SLC39A10: variants seen among roughly 807,000 people sequenced by gnomAD.
The protein encoded by SLC39A10 is zinc transporter ZIP10.
SLC39A10 carries 13 observed loss-of-function variants against 65.1 expected under a neutral mutation model. The ratio of observed to expected loss-of-function variants is 0.20; its 90% CI spans 0.13 to 0.32. The LOEUF is 0.32. Among genes scored for constraint, SLC39A10 ranks in the 10% least tolerant of loss-of-function variants. The pLI is 1.00. For missense variants in SLC39A10, 831 were observed against 1,018.4 expected (o/e 0.82, Z 2.50); for synonymous variants, 321 against 342.2 (o/e 0.94, Z 0.68).
At chr2:195,726,406 A>G (rs1692240357) in intron 8 of SLC39A10, among the ~76,000 whole-genome samples, 1 of 152,066 alleles carries the variant, frequency 6.6e-6, no homozygotes, top group Admixed American at 6.6e-5. Context: ...AAGGAGAGGA[A>G]ATTTGTTAGG....
intron 2 of SLC39A10, among the ~76,000 whole-genome samples, chr2:195,651,244 C>T (rs1442154244): frequency 1.2e-4 from 19 of 152,172 alleles, no homozygotes; most frequent in African/African-American, 4.1e-4. Flanking sequence ...AAGACTACCG[C>T]ATGGGTCCAA....
At chr2:195,720,083 C>T (rs894628645) in intron 8 of SLC39A10, among the ~76,000 whole-genome samples, 1 of 151,972 alleles carries the variant, frequency 6.6e-6, no homozygotes, top group Non-Finnish European at 1.5e-5. Context: ...AGCCACTGCG[C>T]CCGGCCATAA....
intron 2 of SLC39A10, among the ~76,000 whole-genome samples, chr2:195,624,887 C>T (rs1272041952): frequency 2.1e-5 from 1 of 47,332 alleles, no homozygotes; most frequent in African/African-American, 8.5e-5. Context: ...GACTCCATCT[C>T]AAAAAAAAAA....
At chr2:195,663,242 AT>A (rs1360381934) in intron 1 of SLC39A10, among the ~76,000 whole-genome samples, 5 of 151,950 alleles carry the variant, frequency 3.3e-5, no homozygotes, top group African/African-American at 1.2e-4. Flanking sequence ...CACTCCCCTC[AT>A]AAAGCAATTC....
At chr2:195,654,259 A>ATTTTTC (rs1689103717), upstream of SLC39A10, among the ~76,000 whole-genome samples, 14 of 152,288 alleles carry the variant, frequency 9.2e-5, no homozygotes, top group South Asian at 2.7e-3. Context: ...TGTTCTTTAT[A>ATTTTTC]GATTTCATTA....
At chr2:195,693,554 T>G (rs1211152728) in intron 3 of SLC39A10, among the ~76,000 whole-genome samples, 1 of 152,168 alleles carries the variant, frequency 6.6e-6, no homozygotes, top group African/African-American at 2.4e-5. Flanking sequence ...CAGGAATTTA[T>G]CCATCTCATC....
At chr2:195,724,615 G>T (rs911076335) in intron 8 of SLC39A10, among the ~76,000 whole-genome samples, 6 of 151,988 alleles carry the variant, frequency 3.9e-5, no homozygotes, top group Non-Finnish European at 8.8e-5. Context: ...GTAATATTTA[G>T]CTTAAATCTA....
At chr2:195,722,740 A>G (rs1050874718) in intron 8 of SLC39A10, among the ~76,000 whole-genome samples, 1 of 152,242 alleles carries the variant, frequency 6.6e-6, no homozygotes, top group African/African-American at 2.4e-5. Flanking sequence ...GTCACATTTC[A>G]GGATAATTTA....
intron 2 of SLC39A10, among the ~76,000 whole-genome samples, chr2:195,631,263 A>G (rs1396064574): frequency 6.6e-6 from 1 of 151,934 alleles, no homozygotes; most frequent in Non-Finnish European, 1.5e-5. Flanking sequence ...TACAAATATA[A>G]AAATAAAAAT....
intron 2 of SLC39A10, among the ~76,000 whole-genome samples, chr2:195,632,290 C>CCT (rs1688600402): frequency 1.4e-5 from 1 of 69,224 alleles, no homozygotes; most frequent in African/African-American, 6.3e-5. Flanking sequence ...ATTCTACTTC[C>CCT]TTTTTTTTTT....
At chr2:195,734,269 C>G (rs947715852) in intron 9 of SLC39A10, among the ~76,000 whole-genome samples, 6 of 150,894 alleles carry the variant, frequency 4.0e-5, no homozygotes, top group African/African-American at 1.5e-4. Flanking sequence ...CTCCCAGGTT[C>G]AAATGATTCT....
rs549226753 is a variant in SLC39A10 at position 195,719,947 on chromosome 2, C to T, written c.2146+1615C>T. Among the ~76,000 whole-genome samples, 10 of 152,248 alleles carry T rather than the reference C, an allele frequency of 6.6e-5. No individual in the cohort carries two copies. The East Asian group carries it at 1.2e-3, about 18-fold the overall frequency. ...CTGCGATTACAGGCTTGTGCCACCA[C>T]GCCTGGCTAATTTTGTAGTTTTAGT... On this transcript the variant is annotated intron_variant, in intron 8 of 9. Transcript: ENST00000359634.
At chr2:195,669,027 A>T (rs1311304716) in intron 1 of SLC39A10, among the ~76,000 whole-genome samples, 2 of 151,154 alleles carry the variant, frequency 1.3e-5, no homozygotes, top group Non-Finnish European at 2.9e-5. Flanking sequence ...GTGAGCCGAG[A>T]TCGTGCCACT....
intron 8 of SLC39A10, among the ~76,000 whole-genome samples, chr2:195,719,684 C>G (rs531347994): frequency 6.6e-6 from 1 of 150,514 alleles, no homozygotes; most frequent in Admixed American, 6.6e-5. Flanking sequence ...GTGGCATGAT[C>G]TTGACTCACT....
intron 1 of SLC39A10, among the ~76,000 whole-genome samples, chr2:195,659,431 G>C (rs1269549004): frequency 6.6e-6 from 1 of 152,162 alleles, no homozygotes; most frequent in Non-Finnish European, 1.5e-5. Flanking sequence ...TACTAATCTA[G>C]GGGGTGTGCC....
At chr2:195,628,320 T>G (rs1688516206) in intron 2 of SLC39A10, among the ~76,000 whole-genome samples, 1 of 152,194 alleles carries the variant, frequency 6.6e-6, no homozygotes, top group Admixed American at 6.5e-5. Flanking sequence ...TTAATTTACT[T>G]TTCCCTTAGG....
intron 3 of SLC39A10, among the ~76,000 whole-genome samples, chr2:195,684,901 T>C (rs1648426020): frequency 6.6e-6 from 1 of 152,188 alleles, no homozygotes; most frequent in African/African-American, 2.4e-5. Context: ...ATACATACTT[T>C]TTAAATCTTA....
chr2:195,617,653 T>G (rs1418329696), intron 2 of SLC39A10, among the ~76,000 whole-genome samples: 1 of 152,078 alleles, frequency 6.6e-6, no homozygotes, highest in Non-Finnish European at 1.5e-5. Context: ...GGAAAATCAC[T>G]CGAGCTCAGG....
chr2:195,735,172 C>CCTAA lies in SLC39A10; in HGVS notation c.*133_*136dup, dbSNP rs2105855288. 3.2e-6 allele frequency: 3 copies of CCTAA among 940,732 alleles called. No individual in the cohort carries two copies. The South Asian group carries it at 6.2e-5, about 20-fold the overall frequency. The allele number at this position is 940,732 out of a possible 1,614,324, so 58.3% of individuals were successfully genotyped here. On this transcript the variant is annotated 3_prime_UTR_variant, in exon 10 of 10. Coordinates refer to ENST00000359634, the MANE Select transcript of SLC39A10 (RefSeq NM_020342.3). Reference sequence around the variant, plus strand: ...TACTTACAAGTTTCATAGATTTGAGCCTAACCACAAGAGGCTGGTGCTTAG... The same window carrying CCTAA: ...TACTTACAAGTTTCATAGATTTGAGCCTAACTAACCACAAGAGGCTGGTGCTTAG...
Sources: gnomAD v4.1 joint callset for allele counts (sites outside exome capture counted in the v4.1 genomes callset) on GRCh38, gnomAD v4.1.1 for gene constraint, MANE v1.5 for transcripts, NCBI Gene and HGNC (gene_info 2026-07-23, HGNC 2026-07-21) for gene names.